The following DAD1 variants were observed in gnomAD, a reference collection of about 807,000 sequenced individuals.
DAD1 encodes the protein defender against cell death 1.
DAD1 carries 4 observed loss-of-function variants against 9.0 expected under a neutral mutation model. The ratio of observed to expected loss-of-function variants is 0.44; its 90% CI spans 0.22 to 1.01. The LOEUF (loss-of-function observed/expected upper bound fraction) is 1.01. Among genes scored for constraint, DAD1 ranks in the 50% least tolerant of loss-of-function variants. The pLI is 0.24. For missense variants in DAD1, 119 were observed against 137.3 expected (o/e 0.87, Z 0.67); for synonymous variants, 60 against 62.5 (o/e 0.96, Z 0.19).
intron 2 of DAD1, among the ~76,000 whole-genome samples, chr14:22,570,295 A>C (rs1017834421): frequency 6.6e-6 from 1 of 152,218 alleles, no homozygotes. Flanking sequence ...CTGCGGGTCT[A>C]TGTGCACAGT....
At chr14:22,576,554 G>T (rs1379898783) in intron 1 of DAD1, among the ~76,000 whole-genome samples, 1 of 152,194 alleles carries the variant, frequency 6.6e-6, no homozygotes, top group East Asian at 1.9e-4. Context: ...TATGGCATTG[G>T]ATTTAGCAAT....
chr14:22,588,899 CA>C (rs1397364211), intron 1 of DAD1, 47 bp downstream of exon 1: 1 of 1,588,052 alleles, frequency 6.3e-7, no homozygotes. Context: ...ACAAAAGCAG[CA>C]CACCAAAGTA....
At chr14:22,568,537 C>G (rs1415184275) in intron 2 of DAD1, among the ~76,000 whole-genome samples, 1 of 152,180 alleles carries the variant, frequency 6.6e-6, no homozygotes, top group Non-Finnish European at 1.5e-5. Flanking sequence ...AAAGAACCAT[C>G]AAGAATCATG....
rs536310009 is a variant in DAD1 at position 22,587,202 on chromosome 14, C to G, written c.211+1745G>C. Among the ~76,000 whole-genome samples, 10 of 152,308 alleles carry G rather than the reference C, an allele frequency of 6.6e-5. No homozygotes were observed. The East Asian group carries it at 1.9e-3, about 29-fold the overall frequency. On this transcript the variant is annotated intron_variant, in intron 1 of 2. Transcript: ENST00000250498. ...TAGTCCATGCCCACTCTTCAGCAAA[C>G]CACATTCTTCAAAGCATCCATGAAA...
intron 2 of DAD1, among the ~76,000 whole-genome samples, chr14:22,567,961 T>G (rs566193796): frequency 6.6e-6 from 1 of 152,200 alleles, no homozygotes; most frequent in African/African-American, 2.4e-5. Flanking sequence ...ATGGCTCTGA[T>G]GAAAATTTAA....
chr14:22,588,487 A>G (rs1477896166), intron 1 of DAD1, among the ~76,000 whole-genome samples: 1 of 152,262 alleles, frequency 6.6e-6, no homozygotes, highest in African/African-American at 2.4e-5. Flanking sequence ...AAAATCAAGT[A>G]AAGGATGATT....
intron 2 of DAD1, among the ~76,000 whole-genome samples, chr14:22,570,648 G>T (rs567831273): frequency 6.6e-6 from 1 of 152,220 alleles, no homozygotes; most frequent in South Asian, 2.1e-4. Flanking sequence ...AACTGAATTC[G>T]AAAAGCCAAC....
intron 1 of DAD1, among the ~76,000 whole-genome samples, chr14:22,575,483 G>C (rs1175992004): frequency 6.6e-6 from 1 of 152,112 alleles, no homozygotes; most frequent in Non-Finnish European, 1.5e-5. Flanking sequence ...CAATGAAAAA[G>C]AACTTCTGCT....
At chr14:22,576,203 T>A (rs151171980) in intron 1 of DAD1, among the ~76,000 whole-genome samples, 348 of 152,354 alleles carry the variant, frequency 2.3e-3, no homozygotes, top group African/African-American at 8.0e-3. Context: ...TTAGGGATAA[T>A]GATTCAGGTT....
chr14:22,576,929 C>T (rs2037081281), intron 1 of DAD1, among the ~76,000 whole-genome samples: 1 of 152,116 alleles, frequency 6.6e-6, no homozygotes, highest in South Asian at 2.1e-4. Context: ...GAGATATCAC[C>T]TCACATCTAT....
At chr14:22,580,720 T>C (rs530108286) in intron 1 of DAD1, among the ~76,000 whole-genome samples, 1 of 152,142 alleles carries the variant, frequency 6.6e-6, no homozygotes, top group Non-Finnish European at 1.5e-5. Context: ...TCAGAGGTCA[T>C]AAACACCAAC....
intron 2 of DAD1, among the ~76,000 whole-genome samples, chr14:22,571,879 C>A (rs2037043619): frequency 6.6e-6 from 1 of 152,118 alleles, no homozygotes; most frequent in Non-Finnish European, 1.5e-5. Context: ...ATCCACCCAC[C>A]TCGGCCTCCC....
At chr14:22,585,561 T>C (rs1594885062) in intron 1 of DAD1, among the ~76,000 whole-genome samples, 1 of 152,208 alleles carries the variant, frequency 6.6e-6, no homozygotes, top group African/African-American at 2.4e-5. Context: ...CAATATATTA[T>C]ACTCTGATGA....
At chr14:22,573,344 A>T (rs1201956102) in intron 2 of DAD1, among the ~76,000 whole-genome samples, 1 of 152,132 alleles carries the variant, frequency 6.6e-6, no homozygotes, top group Non-Finnish European at 1.5e-5. Flanking sequence ...ACAACAAGAC[A>T]TTGGCTGGCA....
At chr14:22,578,767 T>C (rs921664286) in intron 1 of DAD1, among the ~76,000 whole-genome samples, 2 of 152,130 alleles carry the variant, frequency 1.3e-5, no homozygotes, top group Non-Finnish European at 2.9e-5. Context: ...ATTTAAAAAT[T>C]TATCAAGTTG....
Position 22,571,240 on chromosome 14 carries a change from G to A in DAD1, c.*44+3819C>T, listed in dbSNP as rs539000157. On this transcript the variant is annotated intron_variant, in intron 2 of 2. Transcript: ENST00000250498. The stretch of plus-strand genomic sequence containing the variant: ...TGCGGCAGGAGAATTGCTTGAACCC[G>A]GGAGGCAGGGTTGCAGTGAGCCAAG... Among the ~76,000 whole-genome samples the A allele has an allele frequency of 8.6e-5, 13 of 150,702 alleles. No homozygotes were observed. In the South Asian group the frequency reaches 1.0e-3, roughly 12 times the overall value.
chr14:22,585,658 T>C (rs928606823), intron 1 of DAD1, among the ~76,000 whole-genome samples: 1 of 152,204 alleles, frequency 6.6e-6, no homozygotes, highest in Non-Finnish European at 1.5e-5. Context: ...CTCTCAGCTA[T>C]GAGGGAATAG....
intron 1 of DAD1, among the ~76,000 whole-genome samples, chr14:22,588,513 CA>C (rs2139250435): frequency 1.3e-5 from 2 of 152,198 alleles, no homozygotes; most frequent in South Asian, 4.1e-4. Context: ...AGAAAAGCAC[CA>C]GTATTTATAT....
At chr14:22,575,350 A>G in intron 1 of DAD1, 117 bp from the exon 2 acceptor site, 1 of 1,154,848 alleles carries the variant, frequency 8.7e-7, no homozygotes, top group African/African-American at 1.5e-5. Context: ...ATGAATGCAT[A>G]TATACATCAA....
Sources: gnomAD v4.1 joint callset for allele counts (sites outside exome capture counted in the v4.1 genomes callset) on GRCh38, gnomAD v4.1.1 for gene constraint, MANE v1.5 for transcripts, NCBI Gene and HGNC (gene_info 2026-07-23, HGNC 2026-07-21) for gene names.